Variants in GABRG1 observed in about 807,000 individuals in gnomAD.
The protein encoded by GABRG1 is gamma-aminobutyric acid receptor subunit gamma-1.
In GABRG1, 49 loss-of-function variants were observed where a neutral mutation model predicts 49.8. That is an observed-to-expected ratio of 0.98 (90% confidence interval 0.78 to 1.25). GABRG1 has a LOEUF of 1.25. GABRG1 is among the 50% of genes most tolerant of loss of function. The probability of loss-of-function intolerance (pLI) is 0.00; values close to 1 mark genes in which losing one functional copy is unlikely to be tolerated. For synonymous variants in GABRG1, 232 were observed against 185.1 expected, an observed-to-expected ratio of 1.25 and a Z score of -2.06; for missense variants, 552 against 552.3, an observed-to-expected ratio of 1.00 and a Z score of 0.01.
intron 8 of GABRG1, among the ~76,000 whole-genome samples, chr4:46,049,208 G>A (rs887306968): frequency 9.2e-5 from 14 of 151,866 alleles, no homozygotes; most frequent in African/African-American, 3.4e-4. Context: ...ACAACATCTT[G>A]CAACCAAAGA....
At chr4:46,103,315 A>C (rs1427747172) in intron 1 of GABRG1, among the ~76,000 whole-genome samples, 1 of 151,582 alleles carries the variant, frequency 6.6e-6, no homozygotes, top group African/African-American at 2.4e-5. Context: ...ATTGGAAAAA[A>C]ATGATAATTG....
intron 1 of GABRG1, among the ~76,000 whole-genome samples, chr4:46,122,331 AG>A (rs1321788294): frequency 1.3e-5 from 2 of 152,128 alleles, no homozygotes; most frequent in East Asian, 3.9e-4. Flanking sequence ...AAATGATAAA[AG>A]GTTGTTATTT....
At chr4:46,101,734 T>G (rs1246143020) in intron 1 of GABRG1, among the ~76,000 whole-genome samples, 1 of 151,728 alleles carries the variant, frequency 6.6e-6, no homozygotes, top group Non-Finnish European at 1.5e-5. Flanking sequence ...ATAACTTTTT[T>G]AACAATAAGA....
rs1718220313 is a variant in GABRG1, at chr4:46,051,519, C to T, written c.1036G>A (p.Ala346Thr). The change falls in exon 8 of 9, where the codon GCA (alanine) becomes ACA (threonine). Residue 346 changes from alanine (A) to threonine (T), a missense_variant. By Grantham distance (58) the Ala-to-Thr change is moderately conservative (BLOSUM62 0). Coordinates refer to ENST00000295452, the MANE Select transcript of GABRG1 (RefSeq NM_173536.4). ...AAGGTTCCATATTCCATCAAGGCTG[C>T]AAAAACAAAAATGAAACAAACAGAA... ...FVSVCFIFVF[A>T]ALMEYGTLHY... is the part of the protein sequence containing the mutation. 1 of 1,611,316 alleles carries T rather than the reference C, an allele frequency of 6.2e-7. No homozygotes were observed. The highest frequency in any genetic ancestry group is 8.5e-7 in the Non-Finnish European group (1 of 1,178,504).
chr4:46,097,403 T>C, intron 1 of GABRG1, 54 bp from the exon 2 acceptor site: 1 of 1,525,858 alleles, frequency 6.6e-7, no homozygotes, highest in Non-Finnish European at 8.9e-7. Context: ...AAATCATGTA[T>C]AAAAGTATAG....
Position 46,051,555 on chromosome 4 carries a change from C to T in GABRG1, c.1000G>A (p.Asp334Asn). The T allele has an allele frequency of 6.2e-7, 1 of 1,611,534 alleles. No individual in the cohort carries two copies. Among genetic ancestry groups the T allele is most frequent in the Non-Finnish European group, 8.5e-7 (1 of 1,178,480 alleles). The change falls in exon 8 of 9, where the codon GAT (aspartate) becomes AAT (asparagine). Residue 334 changes from aspartate to asparagine, a missense_variant. By Grantham distance (23) the Asp-to-Asn change is conservative (BLOSUM62 1). Transcript: ENST00000295452. ...ATGAAACAAACAGAAACAAAGAGAT[C>T]CATCGCAGTCACATAAGAAACCTTA... ...LPKVSYVTAM[D>N]LFVSVCFIFV...
At chr4:46,109,889 ATTTTGACCT>A (rs1220423507) in intron 1 of GABRG1, among the ~76,000 whole-genome samples, 1 of 150,982 alleles carries the variant, frequency 6.6e-6, no homozygotes. Context: ...AGGTGGTATG[ATTTTGACCT>A]TTTTGAATTT....
intron 3 of GABRG1, among the ~76,000 whole-genome samples, chr4:46,074,613 T>G (rs528359821): frequency 6.6e-6 from 1 of 152,220 alleles, no homozygotes; most frequent in African/African-American, 2.4e-5. Flanking sequence ...ATGTCCGAAG[T>G]CAAGATATTT....
At chr4:46,074,901 T>C (rs902009328) in intron 3 of GABRG1, among the ~76,000 whole-genome samples, 54 of 152,146 alleles carry the variant, frequency 3.5e-4, no homozygotes, top group Admixed American at 9.2e-4. Flanking sequence ...TTGGATGGAA[T>C]GGGAAAATTT....
At chr4:46,044,624 C>A (rs563484922) in intron 8 of GABRG1, among the ~76,000 whole-genome samples, 1 of 152,188 alleles carries the variant, frequency 6.6e-6, no homozygotes, top group East Asian at 1.9e-4. Flanking sequence ...GAAGACACAT[C>A]TCAGAAAGGC....
At chr4:46,048,398 GGAAGGA>G (rs1718082705) in intron 8 of GABRG1, among the ~76,000 whole-genome samples, 4 of 150,498 alleles carry the variant, frequency 2.7e-5, no homozygotes, top group African/African-American at 9.8e-5. Context: ...AAGGAAGGAA[GGAAGGA>G]AGGAAGGAAG....
Position 46,039,084 on chromosome 4 carries a change from T to C in GABRG1, c.*1904A>G, listed in dbSNP as rs562137934. ...ACATGAAAATAGCCATACAATATTT[T>C]AGTAAAGTATTTTATTCTTTATTAC... On this transcript the variant is annotated 3_prime_UTR_variant, in exon 9 of 9. Coordinates refer to ENST00000295452, the MANE Select transcript of GABRG1 (RefSeq NM_173536.4). 2.0e-5 allele frequency: 3 copies of C among 151,874 alleles called. No individual in the cohort carries two copies. Among genetic ancestry groups the C allele is most frequent in the South Asian group, 4.1e-4 (2 of 4,828 alleles). 9.4% of individuals were successfully genotyped at this position (151,874 alleles called of 1,614,324 possible). A position where few individuals can be genotyped will look rare whatever the true frequency, so the allele number is the denominator to read the frequency against.
intron 1 of GABRG1, among the ~76,000 whole-genome samples, chr4:46,120,396 T>C (rs1721058789): frequency 6.6e-6 from 1 of 151,774 alleles, no homozygotes; most frequent in Non-Finnish European, 1.5e-5. Flanking sequence ...TTTCCTCTTG[T>C]TCCTTAGCCA....
At chr4:46,120,351 T>C (rs1008353648) in intron 1 of GABRG1, among the ~76,000 whole-genome samples, 1 of 151,918 alleles carries the variant, frequency 6.6e-6, no homozygotes, top group Middle Eastern at 3.4e-3. Context: ...TTACATTCAA[T>C]TAATCTATTT....
At position 46,036,031 on chromosome 4, in the gene GABRG1, C is replaced by A. The variant is rs1323552113; in HGVS notation, c.*4957G>T. On this transcript the variant is annotated 3_prime_UTR_variant, in exon 9 of 9. Transcript: ENST00000295452. ...GAAGGATTGAAAACCAAACTATTTC[C>A]ATTTAGGTAAATCATGTCTCAAAAG... 6.6e-6 allele frequency: 1 copy of A among 151,890 alleles called. No homozygotes were observed. Among genetic ancestry groups the A allele is most frequent in the Non-Finnish European group, 1.5e-5 (1 of 67,870 alleles). 9.4% of individuals were successfully genotyped at this position (151,890 alleles called of 1,614,324 possible).
chr4:46,084,730 CTA>C (rs1476235645), intron 2 of GABRG1, among the ~76,000 whole-genome samples: 1 of 151,422 alleles, frequency 6.6e-6, no homozygotes, highest in African/African-American at 2.4e-5. Flanking sequence ...GTACACAAAA[CTA>C]TGTTTCTAGA....
At chr4:46,090,320 G>T (rs1187711553) in intron 2 of GABRG1, among the ~76,000 whole-genome samples, 2 of 151,976 alleles carry the variant, frequency 1.3e-5, no homozygotes, top group South Asian at 4.1e-4. Flanking sequence ...TTCATAGCTT[G>T]ATCTGAAATA....
At chr4:46,090,770 T>C (rs1260791291) in intron 2 of GABRG1, among the ~76,000 whole-genome samples, 1 of 152,016 alleles carries the variant, frequency 6.6e-6, no homozygotes, top group Non-Finnish European at 1.5e-5. Flanking sequence ...GAGTTCTACA[T>C]TACTCTTTGG....
intron 1 of GABRG1, among the ~76,000 whole-genome samples, chr4:46,108,646 G>A (rs1210853090): frequency 6.6e-6 from 1 of 150,690 alleles, no homozygotes; most frequent in Non-Finnish European, 1.5e-5. Flanking sequence ...GTTTATGGAT[G>A]CATCTCTAGT....
Sources: allele counts gnomAD v4.1 joint callset (sites outside exome capture counted in the v4.1 genomes callset), GRCh38; gene constraint gnomAD v4.1.1; transcripts MANE v1.5; gene names NCBI Gene and HGNC (gene_info 2026-07-23, HGNC 2026-07-21).